Variants in DTNA observed in about 807,000 individuals in gnomAD.
DTNA encodes the protein dystrophin-related protein 3.
In DTNA, 43 loss-of-function variants were observed where a neutral mutation model predicts 100.7. That is an observed-to-expected ratio of 0.43 (90% CI 0.33 to 0.55). The LOEUF (loss-of-function observed/expected upper bound fraction) is 0.55. Among genes scored for constraint, DTNA ranks in the 20% least tolerant of loss-of-function variants. The probability of loss-of-function intolerance (pLI) is 0.04; values close to 1 mark genes in which losing one functional copy is unlikely to be tolerated. For synonymous variants in DTNA, 349 were observed against 347.9 expected, an observed-to-expected ratio of 1.00 and a Z score of -0.04; for missense variants, 798 against 953.9, an observed-to-expected ratio of 0.84 and a Z score of 2.15.
At chr18:34,686,072 T>C (rs34155816) in intron 1 of DTNA, among the ~76,000 whole-genome samples, 2 of 152,208 alleles carry the variant, frequency 1.3e-5, no homozygotes, top group African/African-American at 4.8e-5. Context: ...TATACAATCA[T>C]GTCATCTGCA....
chr18:34,601,528 A>T (rs1598898902), intron 1 of DTNA, among the ~76,000 whole-genome samples: 5 of 152,270 alleles, frequency 3.3e-5, no homozygotes, highest in Admixed American at 3.3e-4. Flanking sequence ...TGGAATATTT[A>T]TGTAGAGCTC....
intron 1 of DTNA, among the ~76,000 whole-genome samples, chr18:34,669,283 A>G (rs1321729342): frequency 6.6e-6 from 1 of 152,052 alleles, no homozygotes; most frequent in East Asian, 1.9e-4. Context: ...TGCTTGGTAG[A>G]TCTTCCTCCG....
intron 1 of DTNA, among the ~76,000 whole-genome samples, chr18:34,691,359 G>A (rs2079736112): frequency 6.6e-6 from 1 of 152,150 alleles, no homozygotes; most frequent in African/African-American, 2.4e-5. Context: ...ATTGCTTACG[G>A]ATGTGTAATT....
intron 14 of DTNA, among the ~76,000 whole-genome samples, chr18:34,849,820 A>G (rs942167784): frequency 6.6e-6 from 1 of 152,264 alleles, no homozygotes; most frequent in Non-Finnish European, 1.5e-5. Context: ...GGACAGGGCA[A>G]GTGTGTGGCA....
At chr18:34,554,636 G>T (rs2045831753) in intron 1 of DTNA, among the ~76,000 whole-genome samples, 1 of 151,176 alleles carries the variant, frequency 6.6e-6, no homozygotes, top group Admixed American at 6.6e-5. Flanking sequence ...AGATAATCAT[G>T]TGGTTTTTGT....
chr18:34,858,205 T>G, intron 15 of DTNA, 80 bp from the exon 16 acceptor site: 1 of 1,281,380 alleles, frequency 7.8e-7, no homozygotes, highest in South Asian at 1.2e-5. Context: ...CTCTTTGTTC[T>G]GGTGGCCTTG....
At chr18:34,612,558 G>T (rs925329729) in intron 1 of DTNA, among the ~76,000 whole-genome samples, 1 of 152,120 alleles carries the variant, frequency 6.6e-6, no homozygotes, top group African/African-American at 2.4e-5. Context: ...AAAGGGTAAT[G>T]TCCACTTCCA....
chr18:34,734,415 C>G (rs1490051065), intron 1 of DTNA, among the ~76,000 whole-genome samples: 1 of 152,162 alleles, frequency 6.6e-6, no homozygotes, highest in African/African-American at 2.4e-5. Context: ...CCACACATCC[C>G]CATTCCAAGT....
chr18:34,716,284 G>A (rs1406833369), intron 1 of DTNA, among the ~76,000 whole-genome samples: 1 of 152,098 alleles, frequency 6.6e-6, no homozygotes, highest in African/African-American at 2.4e-5. Flanking sequence ...GAAGTCGGCC[G>A]GGCACCGTGG....
At chr18:34,842,856 G>A (rs1017786133) in intron 13 of DTNA, among the ~76,000 whole-genome samples, 7 of 152,076 alleles carry the variant, frequency 4.6e-5, no homozygotes, top group African/African-American at 1.4e-4. Context: ...TAGCTGTTTG[G>A]CTGGTTAGCT....
chr18:34,754,020 C>A (rs1401520993), intron 1 of DTNA, among the ~76,000 whole-genome samples: 2 of 152,210 alleles, frequency 1.3e-5, no homozygotes, highest in Non-Finnish European at 2.9e-5. Flanking sequence ...TCATTAGTAA[C>A]TCTACTCCTT....
chr18:34,637,697 A>G (rs2058810070), intron 1 of DTNA, among the ~76,000 whole-genome samples: 1 of 152,164 alleles, frequency 6.6e-6, no homozygotes, highest in Non-Finnish European at 1.5e-5. Context: ...TCTTTCTCAG[A>G]GGTACATTTG....
chr18:34,816,054 A>G (rs765371334), intron 7 of DTNA, 40 bp downstream of exon 7: 12 of 1,585,264 alleles, frequency 7.6e-6, no homozygotes, highest in Non-Finnish European at 1.0e-5. Context: ...TTTTTAAATT[A>G]TTGAAATTAG....
At chr18:34,675,002 G>A (rs562538041) in intron 1 of DTNA, among the ~76,000 whole-genome samples, 5 of 152,234 alleles carry the variant, frequency 3.3e-5, no homozygotes, top group African/African-American at 1.2e-4. Flanking sequence ...AGCTTCAAAA[G>A]GGAAGTTAGA....
chr18:34,798,491 C>G (rs1175082509), intron 4 of DTNA, among the ~76,000 whole-genome samples: 1 of 152,154 alleles, frequency 6.6e-6, no homozygotes, highest in African/African-American at 2.4e-5. Flanking sequence ...ATGTACTCCT[C>G]TCACCTTCTC....
chr18:34,816,076 T>C (rs2095589984), intron 7 of DTNA, 62 bp downstream of exon 7: 3 of 1,497,876 alleles, frequency 2.0e-6, no homozygotes, highest in Non-Finnish European at 2.8e-6. Context: ...CCATTAGTTC[T>C]ACAGTTAGTA....
chr18:34,510,126 A>G (rs1328493964), intron 1 of DTNA, among the ~76,000 whole-genome samples: 2 of 131,122 alleles, frequency 1.5e-5, no homozygotes, highest in African/African-American at 5.6e-5. Context: ...TTTTTTTTTT[A>G]AGTCTGAGCT....
intron 1 of DTNA, among the ~76,000 whole-genome samples, chr18:34,656,269 A>G (rs895150752): frequency 5.9e-5 from 9 of 152,334 alleles, no homozygotes; most frequent in African/African-American, 2.2e-4. Context: ...ACAGATGTCA[A>G]TCCTAGAAGA....
At chr18:34,629,069 GCATAT>G (rs758633169) in intron 1 of DTNA, among the ~76,000 whole-genome samples, 16 of 151,856 alleles carry the variant, frequency 1.1e-4, no homozygotes, top group Non-Finnish European at 2.4e-4. Flanking sequence ...TTATGAAATG[GCATAT>G]CATATAAATA....
Sources: allele counts gnomAD v4.1 joint callset (sites outside exome capture counted in the v4.1 genomes callset), GRCh38; gene constraint gnomAD v4.1.1; transcripts MANE v1.5; gene names NCBI Gene and HGNC (gene_info 2026-07-23, HGNC 2026-07-21).